Variants in COPB2 observed in about 807,000 individuals in gnomAD.
COPB2 encodes coatomer subunit beta'.
Under a neutral mutation model 120.8 loss-of-function variants are expected in COPB2, and 16 were observed. That is an observed-to-expected ratio of 0.13 (90% CI 0.09 to 0.20). The LOEUF is 0.20. Among genes scored for constraint, COPB2 ranks in the 10% least tolerant of loss-of-function variants. The pLI is 1.00. For synonymous variants in COPB2, 332 were observed against 366.3 expected (o/e 0.91, Z 1.07); for missense variants, 794 against 1,076.5 (o/e 0.74, Z 3.67).
Position 139,378,173 on chromosome 3 carries a change from C to A in COPB2, c.372G>T (p.Lys124Asn). The A allele has an allele frequency of 6.4e-7, 1 of 1,572,148 alleles. No homozygotes were observed. The highest frequency in any genetic ancestry group is 8.7e-7 in the Non-Finnish European group (1 of 1,149,292). ...ILTSSDDMLI[K>N]LWDWDKKWSC... ...ACCATTTTTTATCCCAGTCCCAGAG[C>A]TTAATAAGCATGTCATCTAGGCCAA... Residue 124 changes from lysine (K) to asparagine (N), a missense_variant, in exon 5 of 22, where the codon AAG becomes AAT. By Grantham distance (94) the Lys-to-Asn change is moderately conservative (BLOSUM62 0). This residue lies in a region of COPB2 where 610 missense variants were observed against 866.7 expected (regional missense o/e 0.70). Transcript: ENST00000333188.
rs767044187 is a variant in COPB2, at chr3:139,373,209, T to G, written c.1094+4A>C. On this transcript the variant is annotated splice_donor_region_variant and intron_variant, in intron 9 of 21. Transcript: ENST00000333188. ...GCTGAGGGACAATTTTGGTGATGGC[T>G]TACCGCCCATTAGGATTGTGCTGAA... 6.2e-7 allele frequency: 1 copy of G among 1,613,808 alleles called. No homozygotes were observed. Among genetic ancestry groups the G allele is most frequent in the East Asian group, 2.2e-5 (1 of 44,876 alleles).
At chr3:139,364,541 G>T (rs904336750) in intron 15 of COPB2, among the ~76,000 whole-genome samples, 4 of 152,112 alleles carry the variant, frequency 2.6e-5, no homozygotes, top group Non-Finnish European at 5.9e-5. Context: ...GGTGACTGGG[G>T]AGCTTTTCAG....
intron 2 of COPB2, chr3:139,381,775 T>C (rs1199009578): frequency 6.6e-6 from 1 of 152,052 alleles, no homozygotes; most frequent in African/African-American, 2.4e-5. Flanking sequence ...GATCAAGTGA[T>C]AGAGCTGAGA....
intron 8 of COPB2, 101 bp downstream of exon 8, chr3:139,373,565 T>C: frequency 6.5e-7 from 1 of 1,548,808 alleles, no homozygotes; most frequent in Non-Finnish European, 8.8e-7. Context: ...ATGAAAGAAG[T>C]GCCAGTTTTA....
intron 10 of COPB2, among the ~76,000 whole-genome samples, chr3:139,370,870 T>C (rs1941611954): frequency 1.3e-5 from 2 of 152,240 alleles, no homozygotes; most frequent in Non-Finnish European, 2.9e-5. Flanking sequence ...TAGAACTGTA[T>C]GTATATGTGT....
chr3:139,383,171 T>G (rs1284191312), intron 2 of COPB2, 127 bp downstream of exon 2: 2 of 1,088,064 alleles, frequency 1.8e-6, no homozygotes, highest in African/African-American at 3.1e-5. Context: ...TTTAAAATAC[T>G]TTGTACCAAC....
chr3:139,369,377 A>G lies in COPB2; in HGVS notation c.1295-10T>C, dbSNP rs1197763166. The G allele has an allele frequency of 6.2e-7, 1 of 1,610,442 alleles. No homozygotes were observed. The highest frequency in any genetic ancestry group is 1.3e-5 in the African/African-American group (1 of 74,674). On this transcript the variant is annotated splice_polypyrimidine_tract_variant and intron_variant, in intron 11 of 21. Transcript: ENST00000333188. ...AAGCCGCCGTAGATACCTAAAGGGA[A>G]CATAAAAAGAGTTTTGCTTAGGCAT... is the stretch of plus-strand genomic sequence containing the variant.
chr3:139,363,794 G>C (rs1941467391), intron 15 of COPB2, among the ~76,000 whole-genome samples: 1 of 152,150 alleles, frequency 6.6e-6, no homozygotes, highest in African/African-American at 2.4e-5. Flanking sequence ...TAACTTCTCA[G>C]CTTATACAGG....
chr3:139,368,337 T>C (rs1398333404), intron 12 of COPB2, 49 bp from the exon 13 acceptor site: 1 of 1,558,204 alleles, frequency 6.4e-7, no homozygotes, highest in African/African-American at 1.4e-5. Flanking sequence ...TCTGAGTGGA[T>C]ATGACAAACT....
intron 9 of COPB2, among the ~76,000 whole-genome samples, chr3:139,372,159 A>G (rs1223990502): frequency 6.6e-6 from 1 of 152,218 alleles, no homozygotes; most frequent in Non-Finnish European, 1.5e-5. Flanking sequence ...CAATTATTCA[A>G]CCAGTATTTG....
intron 10 of COPB2, 124 bp from the exon 11 acceptor site, chr3:139,369,668 G>A (rs1007577539): frequency 1.4e-5 from 9 of 653,352 alleles, no homozygotes; most frequent in Non-Finnish European, 2.1e-5. Flanking sequence ...AATATTTGAA[G>A]ATTATCTGAT....
intron 17 of COPB2, among the ~76,000 whole-genome samples, chr3:139,360,724 T>A (rs1218678195): frequency 6.6e-6 from 1 of 152,116 alleles, no homozygotes; most frequent in African/African-American, 2.4e-5. Flanking sequence ...AGTTATCCAA[T>A]TTGGGTAAAA....
chr3:139,370,657 GCTGTGGCTATCA>G (rs1359949532), intron 10 of COPB2, among the ~76,000 whole-genome samples: 1 of 152,196 alleles, frequency 6.6e-6, no homozygotes, highest in Non-Finnish European at 1.5e-5. Flanking sequence ...GAAAAAAGGA[GCTGTGGCTATCA>G]CTGGATATTT....
rs1410640940 is a variant in COPB2, at chr3:139,366,574, T to G, written c.1878A>C (p.Glu626Asp). Reference protein sequence around the residue: ...EQRTRVAHFLEKQGFKQQALT... With the variant: ...EQRTRVAHFLDKQGFKQQALT... ...AAAAAACAAAACCTCTTACCTGCTT[T>G]TCCAAAAAGTGTGCAACTCTGGTCC... is the stretch of plus-strand genomic sequence containing the variant. The change falls in exon 15 of 22, where the codon GAA becomes GAC. Residue 626 changes from glutamate to aspartate, a missense_variant. By Grantham distance (45) the Glu-to-Asp change is conservative. Around this residue, in one of 3 missense-constraint regions of COPB2, gnomAD observed 610 missense variants for 866.7 expected, o/e 0.70. Transcript: ENST00000333188. 2 of 1,603,938 alleles carry G rather than the reference T, an allele frequency of 1.2e-6. No individual in the cohort carries two copies. The highest frequency in any genetic ancestry group is 2.3e-5 in the South Asian group (2 of 88,798).
rs755694847 is a variant in COPB2, at chr3:139,368,306, C to A, written c.1402-18G>T. ...CAGAAAATCTGCAACACAACAAAATCATAGACAACTGATTTGGATTTCTGA... is the reference window on the plus strand; with the variant it reads ...CAGAAAATCTGCAACACAACAAAATAATAGACAACTGATTTGGATTTCTGA... On this transcript the variant is annotated intron_variant, in intron 12 of 21. Transcript: ENST00000333188. The A allele has an allele frequency of 6.2e-7, 1 of 1,600,548 alleles. No homozygotes were observed. The highest frequency in any genetic ancestry group is 8.5e-7 in the Non-Finnish European group (1 of 1,174,334).
At chr3:139,379,353 G>A (rs7649535) in intron 3 of COPB2, 27 bp downstream of exon 3, 168,224 of 1,601,980 alleles carry the variant, frequency 0.11, 10,734 homozygotes, top group African/African-American at 0.29. Context: ...CAGAAAATGG[G>A]AATAGAGATT....
At chr3:139,360,517 C>CA (rs11439096) in intron 17 of COPB2, among the ~76,000 whole-genome samples, 42,906 of 88,008 alleles carry the variant, frequency 0.49, 9,992 homozygotes, top group Non-Finnish European at 0.59. Flanking sequence ...GATTCCATCT[C>CA]AAAAAAAAAA....
chr3:139,380,816 A>C (rs542254129), intron 2 of COPB2: 1 of 152,330 alleles, frequency 6.6e-6, no homozygotes, highest in South Asian at 2.1e-4. Context: ...TGATACAGAA[A>C]CTGAGAGTAG....
Position 139,368,187 on chromosome 3 carries a change from T to A in COPB2, c.1503A>T (p.Thr501=), listed in dbSNP as rs144170152. The change falls in exon 13 of 22, where the codon ACA becomes ACT. Residue 501 remains threonine, a synonymous_variant. Coordinates refer to ENST00000333188, the MANE Select transcript of COPB2 (RefSeq NM_004766.3). ...TGCCATCTTCAGTAACTCCCTCATG[T>A]GTTTCCTGTGCAGCCAAGACTTTTT... ...LSEKVLAAQE[T]HEGVTEDGIE... 1 of 1,613,942 alleles carries A rather than the reference T, an allele frequency of 6.2e-7. No individual in the cohort carries two copies. Among genetic ancestry groups the A allele is most frequent in the South Asian group, 1.1e-5 (1 of 91,070 alleles).
Sources: allele counts gnomAD v4.1 joint callset (sites outside exome capture counted in the v4.1 genomes callset), GRCh38; gene constraint gnomAD v4.1.1; regional missense constraint gnomAD v4.1.1; transcripts MANE v1.5; gene names NCBI Gene and HGNC (gene_info 2026-07-23, HGNC 2026-07-21).